The following MMP7 variants were observed in gnomAD, a reference collection of about 807,000 sequenced individuals.
The protein encoded by MMP7 is matrilysin.
A neutral mutation model predicts 31.5 loss-of-function variants in MMP7; 26 were observed. That is an observed-to-expected ratio of 0.83 (90% CI 0.61 to 1.15). MMP7 has a LOEUF of 1.15. Among genes scored for constraint, MMP7 ranks in the 50% most tolerant of loss-of-function variants. MMP7 has a pLI of 0.00. For missense variants in MMP7, 367 were observed against 326.5 expected, an observed-to-expected ratio of 1.12 and a Z score of -0.96; for synonymous variants, 142 against 124.2, an observed-to-expected ratio of 1.14 and a Z score of -0.95.
At chr11:102,528,374 G>C (rs1237471213) in intron 1 of MMP7, among the ~76,000 whole-genome samples, 1 of 152,106 alleles carries the variant, frequency 6.6e-6, no homozygotes, top group Non-Finnish European at 1.5e-5. Context: ...GGAGATCTGA[G>C]GTCAACCAGC....
In MMP7 at chr11:102,527,580, T is replaced by C; in HGVS notation, c.428A>G (p.His143Arg). 2 of 1,614,170 alleles carry C rather than the reference T, an allele frequency of 1.2e-6. No individual in the cohort carries two copies. The highest frequency in any genetic ancestry group is 1.7e-6 in the Non-Finnish European group (2 of 1,180,022). The change falls in exon 3 of 6, where the codon CAT becomes CGT. Residue 143 changes from histidine (H) to arginine (R), a missense_variant. Physicochemically the swap from His to Arg is conservative, Grantham distance 29. Transcript: ENST00000260227. ...LNMWGKEIPLHFRKVVWGTAD... is the reference protein window; with the variant it reads ...LNMWGKEIPLRFRKVVWGTAD... Reference sequence around the variant, plus strand: ...AGTTCCCCATACAACTTTCCTGAAATGCAGGGGGATCTCTTTGCCCCACAT... The same window carrying C: ...AGTTCCCCATACAACTTTCCTGAAACGCAGGGGGATCTCTTTGCCCCACAT...
chr11:102,527,122 C>A (rs917752959), intron 3 of MMP7: 3 of 239,738 alleles, frequency 1.3e-5, no homozygotes, highest in African/African-American at 6.9e-5. Flanking sequence ...AATAATAATT[C>A]ACGTTACAAA....
At chr11:102,522,937 AC>A (rs1423591997) in intron 5 of MMP7, among the ~76,000 whole-genome samples, 1 of 152,248 alleles carries the variant, frequency 6.6e-6, no homozygotes, top group Non-Finnish European at 1.5e-5. Context: ...ACTCTCCTAA[AC>A]TATTTAAACT....
rs780548528 is a variant in MMP7 at position 102,527,643 on chromosome 11, T to C, written c.365A>G (p.His122Arg). 2.5e-6 allele frequency: 4 copies of C among 1,614,056 alleles called. No homozygotes were observed. Among genetic ancestry groups the C allele is most frequent in the Admixed American group, 1.7e-5 (1 of 60,004 alleles). The change falls in exon 3 of 6, where the codon CAT becomes CGT. Residue 122 changes from histidine to arginine, a missense_variant. Coordinates refer to ENST00000260227, the MANE Select transcript of MMP7 (RefSeq NM_002423.5). Reference protein sequence around the residue: ...RIVSYTRDLPHITVDRLVSKA... With the variant: ...RIVSYTRDLPRITVDRLVSKA... ...TGACACTAATCGATCCACTGTAATATGCGGTAAGTCTCGAGTATATGATAC... is the reference window on the plus strand; with the variant it reads ...TGACACTAATCGATCCACTGTAATACGCGGTAAGTCTCGAGTATATGATAC...
chr11:102,525,064 G>T lies in MMP7; in HGVS notation c.485C>A (p.Ala162Asp). The T allele has an allele frequency of 1.3e-6, 2 of 1,593,316 alleles. No individual in the cohort carries two copies. The highest frequency in any genetic ancestry group is 1.7e-6 in the Non-Finnish European group (2 of 1,173,738). ...ATCAAATGGGTAGGAGTCCCCATGA[G>T]CTGAAAGAAAATGGAGTGATTGTTC... ...ADIMIGFARG[A>D]HGDSYPFDGP... is the part of the protein sequence containing the mutation. Residue 162 changes from alanine (A) to aspartate (D), a missense_variant and splice_region_variant, in exon 4 of 6, where the codon GCT becomes GAT. Coordinates refer to ENST00000260227, the MANE Select transcript of MMP7 (RefSeq NM_002423.5).
In MMP7 at chr11:102,520,710, A is replaced by G; in HGVS notation, c.*66T>C. On this transcript the variant is annotated 3_prime_UTR_variant, in exon 6 of 6. Transcript: ENST00000260227. ...TGGAGTGGAGGAACAGTGCTTATCA[A>G]TTCTGATTGTGCAACAATGATATAC... 1 of 1,333,470 alleles carries G rather than the reference A, an allele frequency of 7.5e-7. No homozygotes were observed. Among genetic ancestry groups the G allele is most frequent in the Non-Finnish European group, 1.0e-6 (1 of 955,188 alleles). The allele number at this position is 1,333,470 out of a possible 1,614,324, so 82.6% of individuals were successfully genotyped here. A position where few individuals can be genotyped will look rare whatever the true frequency, so the allele number is the denominator to read the frequency against.
At position 102,525,045 on chromosome 11, in the gene MMP7, T is replaced by C. The variant is rs1565375401; in HGVS notation, c.504A>G (p.Pro168=). The part of the protein sequence containing the change: ...FARGAHGDSY[P]FDGPGNTLAH... Reference sequence around the variant, plus strand: ...CCAGCGTGTTTCCTGGCCCATCAAATGGGTAGGAGTCCCCATGAGCTGAAA... The same window carrying C: ...CCAGCGTGTTTCCTGGCCCATCAAACGGGTAGGAGTCCCCATGAGCTGAAA... Residue 168 remains proline (P), a synonymous_variant, in exon 4 of 6, where the codon CCA becomes CCG. Coordinates refer to ENST00000260227, the MANE Select transcript of MMP7 (RefSeq NM_002423.5). 6.2e-7 allele frequency: 1 copy of C among 1,609,900 alleles called. No individual in the cohort carries two copies. The highest frequency in any genetic ancestry group is 2.2e-5 in the East Asian group (1 of 44,808).
rs61047680 is a variant in MMP7, at chr11:102,525,763, G to GTT, written c.485-701_485-700dup. ...AAGTAATTTGTGCACCATTTCATAGGTTTTTTTTTTTTTTTTTCTTAAAAA... is the reference window on the plus strand; with the variant it reads ...AAGTAATTTGTGCACCATTTCATAGGTTTTTTTTTTTTTTTTTTTCTTAAAAA... On this transcript the variant is annotated intron_variant, in intron 3 of 5. Transcript: ENST00000260227. 7.6e-3 allele frequency among the ~76,000 whole-genome samples: 1,063 copies of GTT among 139,792 alleles called. 8 individuals carry two copies. Among genetic ancestry groups the GTT allele is most frequent in the African/African-American group, 0.016 (611 of 38,106 alleles). The allele number at this position is 139,792 out of a possible 152,430, so 91.7% of individuals were successfully genotyped here.
intron 5 of MMP7, 68 bp downstream of exon 5, chr11:102,523,172 C>T (rs1382093594): frequency 3.1e-6 from 4 of 1,285,616 alleles, no homozygotes; most frequent in Admixed American, 4.0e-5. Flanking sequence ...CATTTCCCAG[C>T]CTTTCTTTTC....
intron 4 of MMP7, among the ~76,000 whole-genome samples, chr11:102,523,741 C>A (rs1212746721): frequency 2.0e-5 from 3 of 152,180 alleles, no homozygotes; most frequent in Non-Finnish European, 4.4e-5. Flanking sequence ...TACTTACTAG[C>A]TGGACAACTC....
chr11:102,524,384 A>G (rs1021340519), intron 4 of MMP7: 1 of 152,218 alleles, frequency 6.6e-6, no homozygotes, highest in African/African-American at 2.4e-5. Flanking sequence ...CTACTATGTA[A>G]AATGATAAAT....
At chr11:102,527,460 C>A (rs1487502630) in intron 3 of MMP7, 64 bp downstream of exon 3, 1 of 1,581,196 alleles carries the variant, frequency 6.3e-7, no homozygotes, top group Non-Finnish European at 8.7e-7. Context: ...AAGAAAAGAG[C>A]ACTGATATAA....
At chr11:102,523,446 A>G in intron 4 of MMP7, 45 bp from the exon 5 acceptor site, 2 of 1,469,164 alleles carry the variant, frequency 1.4e-6, no homozygotes, top group Admixed American at 2.0e-5. Context: ...AAATAGCTAC[A>G]TACATTATGT....
chr11:102,526,274 C>T (rs56857975), intron 3 of MMP7, among the ~76,000 whole-genome samples: 8,125 of 146,518 alleles, frequency 0.055, 251 homozygotes, highest in Middle Eastern at 0.076. Context: ...TAGTCTTGCT[C>T]TGTTGCCCAG....
Position 102,527,557 on chromosome 11 carries a change from T to C in MMP7, c.451A>G (p.Thr151Ala), listed in dbSNP as rs747657412. ...GCAAAGCCAATCATGATGTCAGCAG[T>C]TCCCCATACAACTTTCCTGAAATGC... ...PLHFRKVVWG[T>A]ADIMIGFARG... Residue 151 changes from threonine to alanine, a missense_variant, in exon 3 of 6, where the codon ACT becomes GCT. Coordinates refer to ENST00000260227, the MANE Select transcript of MMP7 (RefSeq NM_002423.5). The C allele has an allele frequency of 3.1e-6, 5 of 1,614,066 alleles. No individual in the cohort carries two copies. In the South Asian group the frequency reaches 5.5e-5, roughly 18 times the overall value.
chr11:102,529,492 A>G (rs1858708669), intron 1 of MMP7, among the ~76,000 whole-genome samples: 1 of 152,074 alleles, frequency 6.6e-6, no homozygotes, highest in South Asian at 2.1e-4. Flanking sequence ...AACGCAGAGT[A>G]CTCTTTCTGG....
chr11:102,526,516 C>G (rs535959770), intron 3 of MMP7, among the ~76,000 whole-genome samples: 1 of 152,068 alleles, frequency 6.6e-6, no homozygotes, highest in Non-Finnish European at 1.5e-5. Context: ...GGATTACAGG[C>G]GTGAGCCACC....
chr11:102,530,671 GCA>G lies in MMP7; in HGVS notation c.28_29del (p.Cys10ProfsTer19), dbSNP rs746629869. The stretch of plus-strand genomic sequence containing the variant: ...GCAGGGCCAGGCTGCCAGGCAGCAG[GCA>G]CACAGCACACAGCACGGTGAGTCGC... MRLTVLCAV[C>X]LLPGSLALPL... On this transcript the variant is annotated frameshift_variant, in exon 1 of 6. Transcript: ENST00000260227. LOFTEE classifies it high-confidence loss of function. The G allele has an allele frequency of 9.9e-6, 16 of 1,613,670 alleles. No individual in the cohort carries two copies. The highest frequency in any genetic ancestry group is 2.5e-6 in the Non-Finnish European group (3 of 1,179,910).
intron 1 of MMP7, among the ~76,000 whole-genome samples, chr11:102,530,275 A>G (rs1858720785): frequency 6.6e-6 from 1 of 152,238 alleles, no homozygotes; most frequent in African/African-American, 2.4e-5. Context: ...AATGCTTCAC[A>G]ACACCCTCAT....
Sources: allele counts gnomAD v4.1 joint callset (sites outside exome capture counted in the v4.1 genomes callset), GRCh38; gene constraint gnomAD v4.1.1; transcripts MANE v1.5; gene names NCBI Gene and HGNC (gene_info 2026-07-23, HGNC 2026-07-21).